The following PARD3 variants were observed in gnomAD, a reference collection of about 807,000 sequenced individuals.
PARD3 encodes partitioning defective 3 homolog.
Under a neutral mutation model 155.4 loss-of-function variants are expected in PARD3, and 75 were observed. The observed-to-expected ratio is 0.48, with a 90% CI of 0.40 to 0.58. PARD3 has a LOEUF of 0.58. PARD3 is among the 20% of genes least tolerant of loss of function. The pLI, the probability that PARD3 is intolerant of heterozygous loss-of-function variation, is 0.00. For missense variants in PARD3, 1,642 were observed against 1,721.7 expected (o/e 0.95, Z 0.82); for synonymous variants, 576 against 610.5 (o/e 0.94, Z 0.83).
At chr10:34,694,212 T>C (rs552726020) in intron 2 of PARD3, among the ~76,000 whole-genome samples, 22 of 151,856 alleles carry the variant, frequency 1.4e-4, no homozygotes, top group African/African-American at 4.1e-4. Flanking sequence ...GAGGAAGACA[T>C]TGAAAGATTG....
At chr10:34,735,790 T>G (rs1395186841) in intron 1 of PARD3, among the ~76,000 whole-genome samples, 1 of 152,244 alleles carries the variant, frequency 6.6e-6, no homozygotes, top group Non-Finnish European at 1.5e-5. Flanking sequence ...ACACTTTGCC[T>G]GTAATCATTT....
At chr10:34,498,696 G>T (rs1264460697) in intron 3 of PARD3, among the ~76,000 whole-genome samples, 1 of 152,114 alleles carries the variant, frequency 6.6e-6, no homozygotes, top group Non-Finnish European at 1.5e-5. Context: ...ATAATCTCTT[G>T]AACCCAGGAG....
chr10:34,806,454 A>C (rs922919449), intron 1 of PARD3, among the ~76,000 whole-genome samples: 2 of 152,118 alleles, frequency 1.3e-5, no homozygotes, highest in East Asian at 3.9e-4. Context: ...CTCCCAAAGT[A>C]CTGGGATTAC....
chr10:34,616,708 G>A (rs1428794099), intron 2 of PARD3, among the ~76,000 whole-genome samples: 1 of 152,122 alleles, frequency 6.6e-6, no homozygotes, highest in Non-Finnish European at 1.5e-5. Context: ...GGGAGACCAA[G>A]GAAGGAGGAC....
At chr10:34,479,445 G>A (rs749472591) in intron 3 of PARD3, among the ~76,000 whole-genome samples, 54 of 152,198 alleles carry the variant, frequency 3.5e-4, no homozygotes, top group African/African-American at 1.2e-3. Context: ...ACTTTGGGGC[G>A]CGTGAGCCAC....
rs187975655 is a variant in PARD3, at chr10:34,213,447, A to G, written c.3419+56210T>C. Among the ~76,000 whole-genome samples, 17 of 152,264 alleles carry G rather than the reference A, an allele frequency of 1.1e-4. No individual in the cohort carries two copies. The East Asian group carries it at 3.3e-3, about 29-fold the overall frequency. On this transcript the variant is annotated intron_variant, in intron 22 of 24. Transcript: ENST00000374788. ...CCACCACATTGGGGGTCAAACGTCAATATGAGTTTTGGTGGGGATGAACTA... is the reference window on the plus strand; with the variant it reads ...CCACCACATTGGGGGTCAAACGTCAGTATGAGTTTTGGTGGGGATGAACTA...
rs142042171 is a variant in PARD3 at position 34,173,034 on chromosome 10, T to G, written c.3420-41451A>C. 3.4e-3 allele frequency among the ~76,000 whole-genome samples: 519 copies of G among 152,364 alleles called. 5 individuals carry two copies. In the East Asian group the frequency reaches 0.036, roughly 11 times the overall value. On this transcript the variant is annotated intron_variant, in intron 22 of 24. Coordinates refer to ENST00000374788, the MANE Select transcript of PARD3 (RefSeq NM_001184785.2). ...CACTTCAGACATCAGAGATATTGCC[T>G]GTTTTGAATTCAAGCACTTCTTTGT... is the stretch of plus-strand genomic sequence containing the variant.
intron 20 of PARD3, among the ~76,000 whole-genome samples, chr10:34,298,315 C>T (rs920737166): frequency 2.0e-5 from 3 of 152,198 alleles, no homozygotes; most frequent in African/African-American, 7.2e-5. Flanking sequence ...TGTTAAGACA[C>T]TCGCGTTCAC....
chr10:34,241,060 A>G (rs1343092985), intron 22 of PARD3, among the ~76,000 whole-genome samples: 1 of 152,226 alleles, frequency 6.6e-6, no homozygotes, highest in Non-Finnish European at 1.5e-5. Flanking sequence ...GGGCAGAATC[A>G]GAAATAGAAA....
intron 12 of PARD3, among the ~76,000 whole-genome samples, chr10:34,360,558 G>A (rs1036059233): frequency 5.9e-5 from 9 of 152,080 alleles, no homozygotes; most frequent in Non-Finnish European, 7.4e-5. Context: ...TCTAGAGTTC[G>A]GGATTTTTTT....
chr10:34,417,259 TTGTC>T (rs1342661957), intron 5 of PARD3, among the ~76,000 whole-genome samples: 1 of 152,140 alleles, frequency 6.6e-6, no homozygotes, highest in Non-Finnish European at 1.5e-5. Flanking sequence ...CGGACTGATT[TTGTC>T]TGTGCAGCGG....
At chr10:34,508,953 T>C (rs2081246045) in intron 3 of PARD3, among the ~76,000 whole-genome samples, 1 of 152,082 alleles carries the variant, frequency 6.6e-6, no homozygotes, top group Non-Finnish European at 1.5e-5. Context: ...TACAAAACCA[T>C]CCTGAGGCAG....
At chr10:34,507,723 C>G (rs888178188) in intron 3 of PARD3, among the ~76,000 whole-genome samples, 1 of 152,110 alleles carries the variant, frequency 6.6e-6, no homozygotes, top group East Asian at 1.9e-4. Flanking sequence ...ATAATTACAG[C>G]AATTTTGTAT....
chr10:34,567,009 C>CA (rs1201408567), intron 2 of PARD3, among the ~76,000 whole-genome samples: 1 of 152,086 alleles, frequency 6.6e-6, no homozygotes, highest in Non-Finnish European at 1.5e-5. Context: ...TGACTATAGT[C>CA]ACTTCCTCTA....
At chr10:34,435,351 A>G (rs2076136657) in intron 5 of PARD3, among the ~76,000 whole-genome samples, 1 of 152,208 alleles carries the variant, frequency 6.6e-6, no homozygotes, top group Non-Finnish European at 1.5e-5. Flanking sequence ...TCAACGAATC[A>G]ATATATCCAA....
chr10:34,438,324 G>C (rs2076290198), intron 5 of PARD3, among the ~76,000 whole-genome samples: 1 of 152,106 alleles, frequency 6.6e-6, no homozygotes, highest in African/African-American at 2.4e-5. Context: ...TGGTCCTTTA[G>C]TTTATAATCA....
Position 34,566,743 on chromosome 10 carries a change from ATAAAT to A in PARD3, c.223-49589_223-49585del, listed in dbSNP as rs780956797. On this transcript the variant is annotated intron_variant, in intron 2 of 24. Coordinates refer to ENST00000374788, the MANE Select transcript of PARD3 (RefSeq NM_001184785.2). The stretch of plus-strand genomic sequence containing the variant: ...AGAGTTCTATCTAGATACTGACTAA[ATAAAT>A]TAACCAAAGTTTTTTTTACAATTGG... Among the ~76,000 whole-genome samples the A allele has an allele frequency of 1.3e-3, 194 of 152,244 alleles. 3 individuals carry two copies. The highest frequency in any genetic ancestry group is 3.7e-4 in the Non-Finnish European group (25 of 68,036).
intron 12 of PARD3, among the ~76,000 whole-genome samples, chr10:34,362,987 G>A (rs1444523462): frequency 6.6e-6 from 1 of 152,160 alleles, no homozygotes; most frequent in South Asian, 2.1e-4. Context: ...GTACTTATAA[G>A]CATGGAAAAG....
chr10:34,212,360 G>A (rs909000059), intron 22 of PARD3, among the ~76,000 whole-genome samples: 3 of 152,032 alleles, frequency 2.0e-5, no homozygotes, highest in Non-Finnish European at 4.4e-5. Context: ...CTCTAAGCAG[G>A]CTTCAGTTTT....
Sources: allele counts gnomAD v4.1 joint callset (sites outside exome capture counted in the v4.1 genomes callset), GRCh38; gene constraint gnomAD v4.1.1; transcripts MANE v1.5; gene names NCBI Gene and HGNC (gene_info 2026-07-23, HGNC 2026-07-21).